The following ESRRG variants were observed in gnomAD, a reference collection of about 807,000 sequenced individuals.
ESRRG encodes the protein estrogen related receptor gamma.
A neutral mutation model predicts 44.0 loss-of-function variants in ESRRG; 13 were observed. That is an observed-to-expected ratio of 0.30 (90% CI 0.19 to 0.47). The LOEUF is 0.47. Among genes scored for constraint, ESRRG ranks in the 20% least tolerant of loss-of-function variants. The probability of loss-of-function intolerance (pLI) is 1.00; values close to 1 mark genes in which losing one functional copy is unlikely to be tolerated. For missense variants in ESRRG, 395 were observed against 580.6 expected (o/e 0.68, Z 3.29); for synonymous variants, 215 against 214.6 (o/e 1.00, Z -0.02).
At chr1:216,874,120 C>G (rs1396332595) in intron 2 of ESRRG, among the ~76,000 whole-genome samples, 1 of 152,022 alleles carries the variant, frequency 6.6e-6, no homozygotes, top group Non-Finnish European at 1.5e-5. Flanking sequence ...GAGGTCTTCT[C>G]CTGGACCTCT....
intron 5 of ESRRG, among the ~76,000 whole-genome samples, chr1:216,562,484 G>T (rs11117620): frequency 0.049 from 7,466 of 152,006 alleles, 629 homozygotes; most frequent in African/African-American, 0.17. Flanking sequence ...TTTTCAGTTT[G>T]GGGGAAGAGG....
At chr1:216,959,849 T>A (rs1285027783) in intron 1 of ESRRG, among the ~76,000 whole-genome samples, 1 of 152,212 alleles carries the variant, frequency 6.6e-6, no homozygotes, top group South Asian at 2.1e-4. Flanking sequence ...GTATAGAGAA[T>A]TTTTTAAGTA....
At chr1:216,632,061 A>T (rs1259142558) in intron 3 of ESRRG, among the ~76,000 whole-genome samples, 3 of 152,108 alleles carry the variant, frequency 2.0e-5, no homozygotes, top group African/African-American at 7.2e-5. Flanking sequence ...TTTATCTAAA[A>T]CTCTATGACA....
intron 2 of ESRRG, among the ~76,000 whole-genome samples, chr1:216,676,741 G>A (rs2076177030): frequency 6.6e-6 from 1 of 152,106 alleles, no homozygotes; most frequent in Non-Finnish European, 1.5e-5. Context: ...ATCCAAAGGG[G>A]TCAAAAACAC....
intron 2 of ESRRG, among the ~76,000 whole-genome samples, chr1:216,790,921 C>T (rs944974862): frequency 6.6e-6 from 1 of 152,054 alleles, no homozygotes; most frequent in Admixed American, 6.6e-5. Flanking sequence ...GCCAGAACCT[C>T]AACATTGTGA....
At chr1:217,099,902 CA>C (rs2092482479) in intron 1 of ESRRG, among the ~76,000 whole-genome samples, 1 of 151,618 alleles carries the variant, frequency 6.6e-6, no homozygotes, top group Non-Finnish European at 1.5e-5. Context: ...CCTCTCCAAA[CA>C]CGGAGAATAA....
rs182812421 is a variant in ESRRG at position 216,981,121 on chromosome 1, T to C, written c.-105-41448A>G. 1.3e-4 allele frequency among the ~76,000 whole-genome samples: 20 copies of C among 152,320 alleles called. No homozygotes were observed. The East Asian group carries it at 3.9e-3, about 29-fold the overall frequency. On this transcript the variant is annotated intron_variant, in intron 1 of 7. Coordinates refer to the ESRRG transcript ENST00000359162. Reference sequence around the variant, plus strand: ...ACAGGTACAATTACCCCTTCATCCATGCTACCTCTGCCCTTGCTGCCATTA... The same window carrying C: ...ACAGGTACAATTACCCCTTCATCCACGCTACCTCTGCCCTTGCTGCCATTA...
intron 1 of ESRRG, among the ~76,000 whole-genome samples, chr1:216,988,086 T>C (rs1295057004): frequency 6.6e-6 from 1 of 152,178 alleles, no homozygotes. Context: ...TGAATCTTTG[T>C]CTTGGAGTCT....
intron 2 of ESRRG, among the ~76,000 whole-genome samples, chr1:216,903,539 T>C (rs537552646): frequency 4.1e-4 from 63 of 151,818 alleles, no homozygotes; most frequent in African/African-American, 1.4e-3. Flanking sequence ...TGCTCAGCTG[T>C]AAGGAATGGA....
intron 3 of ESRRG, among the ~76,000 whole-genome samples, chr1:216,595,333 C>T (rs1398485225): frequency 2.6e-5 from 4 of 152,034 alleles, no homozygotes; most frequent in Non-Finnish European, 4.4e-5. Flanking sequence ...AATGACAGGG[C>T]ATGATACATA....
At chr1:217,126,338 G>C (rs2092889641) in intron 1 of ESRRG, among the ~76,000 whole-genome samples, 1 of 152,128 alleles carries the variant, frequency 6.6e-6, no homozygotes, top group African/African-American at 2.4e-5. Context: ...TAAATTTGCA[G>C]TTATTTCAAC....
At chr1:216,735,453 C>G (rs989657759) in intron 2 of ESRRG, among the ~76,000 whole-genome samples, 2 of 152,014 alleles carry the variant, frequency 1.3e-5, no homozygotes, top group Non-Finnish European at 2.9e-5. Context: ...AGGGATCCTC[C>G]AGCCTCAGCC....
chr1:217,002,358 G>A (rs71643437), intron 1 of ESRRG, among the ~76,000 whole-genome samples: 3 of 147,754 alleles, frequency 2.0e-5, no homozygotes, highest in East Asian at 2.0e-4. Context: ...AGAAAAGAAA[G>A]AAACAGAGAT....
chr1:216,901,742 G>A (rs2149489080), intron 2 of ESRRG, among the ~76,000 whole-genome samples: 1 of 151,132 alleles, frequency 6.6e-6, no homozygotes, highest in Non-Finnish European at 1.5e-5. Flanking sequence ...GTAATTAGTG[G>A]CAAAGTGCCT....
intron 1 of ESRRG, among the ~76,000 whole-genome samples, chr1:217,075,388 G>A (rs2091140887): frequency 6.6e-6 from 1 of 152,084 alleles, no homozygotes. Context: ...ATTAAACATG[G>A]TTAGGTCCAG....
intron 1 of ESRRG, among the ~76,000 whole-genome samples, chr1:216,968,031 A>G (rs2070825007): frequency 6.6e-6 from 1 of 151,752 alleles, no homozygotes; most frequent in Non-Finnish European, 1.5e-5. Context: ...TGCTATTTGT[A>G]TTTCTTCTTT....
chr1:216,537,795 G>A (rs925551716), intron 5 of ESRRG, among the ~76,000 whole-genome samples: 4 of 152,124 alleles, frequency 2.6e-5, no homozygotes, highest in Non-Finnish European at 5.9e-5. Flanking sequence ...GGAAACTGAG[G>A]TGCAAACCCA....
chr1:216,928,754 C>G (rs928278696), intron 2 of ESRRG, among the ~76,000 whole-genome samples: 5 of 152,158 alleles, frequency 3.3e-5, no homozygotes, highest in African/African-American at 9.7e-5. Flanking sequence ...TCGCTACATA[C>G]AGTGAATATT....
chr1:217,042,475 C>CACACAA (rs1216992652), intron 1 of ESRRG, among the ~76,000 whole-genome samples: 19 of 32,726 alleles, frequency 5.8e-4, no homozygotes, highest in Admixed American at 3.5e-3. Context: ...CACACACAAA[C>CACACAA]ACACACACAC....
Sources: allele counts gnomAD v4.1 joint callset (sites outside exome capture counted in the v4.1 genomes callset), GRCh38; gene constraint gnomAD v4.1.1; transcripts MANE v1.5; gene names NCBI Gene and HGNC (gene_info 2026-07-23, HGNC 2026-07-21).